KLHL1: variants seen among roughly 807,000 people sequenced by gnomAD.
KLHL1 encodes kelch-like protein 1.
A neutral mutation model predicts 77.7 loss-of-function variants in KLHL1; 47 were observed. That is an observed-to-expected ratio of 0.60 (90% CI 0.48 to 0.77). The LOEUF (loss-of-function observed/expected upper bound fraction) is 0.77. Ranked by LOEUF, KLHL1 falls within the 30% of genes least tolerant of loss-of-function variation. The pLI is 0.00. For missense variants in KLHL1, 925 were observed against 910.8 expected, an observed-to-expected ratio of 1.02 and a Z score of -0.20; for synonymous variants, 360 against 325.2, an observed-to-expected ratio of 1.11 and a Z score of -1.15.
At position 69,744,059 on chromosome 13, in the gene KLHL1, G is replaced by T. The variant is rs534836562; in HGVS notation, c.1640-3503C>A. On this transcript the variant is annotated intron_variant, in intron 7 of 10. Coordinates refer to ENST00000377844, the MANE Select transcript of KLHL1 (RefSeq NM_020866.3). ...CAATGTTAGAGGTATATGTAAAAGTGTTGGAGTTATCAGCAATTATATGGC... is the reference window on the plus strand; with the variant it reads ...CAATGTTAGAGGTATATGTAAAAGTTTTGGAGTTATCAGCAATTATATGGC... 1.2e-4 allele frequency among the ~76,000 whole-genome samples: 18 copies of T among 152,204 alleles called. No individual in the cohort carries two copies. The South Asian group carries it at 3.7e-3, about 32-fold the overall frequency.
chr13:70,061,053 T>C (rs558097478), intron 1 of KLHL1, among the ~76,000 whole-genome samples: 34 of 152,008 alleles, frequency 2.2e-4, no homozygotes, highest in African/African-American at 8.2e-4. Context: ...AGATAGAGAA[T>C]AGAATGCCGG....
At chr13:70,082,356 CACACACACACACA>C (rs1224568209) in intron 1 of KLHL1, among the ~76,000 whole-genome samples, 14 of 146,642 alleles carry the variant, frequency 9.5e-5, no homozygotes, top group African/African-American at 3.6e-4. Flanking sequence ...CACACACACA[CACACACACACACA>C]AAGGAACCAT....
chr13:69,882,595 A>G (rs1881043889), intron 4 of KLHL1, 100 bp from the exon 5 acceptor site: 2 of 741,394 alleles, frequency 2.7e-6, no homozygotes, highest in East Asian at 5.4e-5. Context: ...CTTTGTTCTT[A>G]TTATAACATA....
intron 3 of KLHL1, among the ~76,000 whole-genome samples, chr13:69,959,953 T>G (rs1254635720): frequency 1.3e-5 from 2 of 151,964 alleles, no homozygotes; most frequent in Non-Finnish European, 2.9e-5. Context: ...TCTCTCCTAA[T>G]ACAATATCCT....
At chr13:69,805,214 A>G (rs1459731744) in intron 6 of KLHL1, among the ~76,000 whole-genome samples, 1 of 151,968 alleles carries the variant, frequency 6.6e-6, no homozygotes, top group Admixed American at 6.6e-5. Context: ...TTCCATATCA[A>G]TCCCTGATAA....
chr13:70,001,041 AAAAGT>A (rs1372929081), intron 1 of KLHL1, among the ~76,000 whole-genome samples: 1 of 151,346 alleles, frequency 6.6e-6, no homozygotes, highest in Admixed American at 6.6e-5. Flanking sequence ...ATTAGAGACA[AAAAGT>A]AAAGAAATGG....
intron 1 of KLHL1, among the ~76,000 whole-genome samples, chr13:70,084,776 T>A (rs1887492642): frequency 6.6e-6 from 1 of 151,426 alleles, no homozygotes; most frequent in African/African-American, 2.4e-5. Flanking sequence ...CGCCGGGCCG[T>A]CTATTTCATA....
intron 1 of KLHL1, among the ~76,000 whole-genome samples, chr13:70,053,387 T>C (rs1424912740): frequency 6.6e-6 from 1 of 152,042 alleles, no homozygotes; most frequent in African/African-American, 2.4e-5. Flanking sequence ...ATATAGGCAA[T>C]GCAAGAGACG....
chr13:69,740,300 A>C (rs111307980), intron 8 of KLHL1, 94 bp downstream of exon 8: 15,826 of 877,420 alleles, frequency 0.018, 194 homozygotes, highest in Middle Eastern at 0.032. Flanking sequence ...GTTTTAAAAC[A>C]ATTTTTACCA....
intron 9 of KLHL1, among the ~76,000 whole-genome samples, chr13:69,715,111 T>G (rs939609328): frequency 1.1e-4 from 16 of 152,284 alleles, no homozygotes; most frequent in Middle Eastern, 3.4e-3. Flanking sequence ...ATAACTAAAT[T>G]GGTATAGCTA....
At chr13:69,962,186 C>A (rs1039773470) in intron 2 of KLHL1, among the ~76,000 whole-genome samples, 2 of 151,736 alleles carry the variant, frequency 1.3e-5, no homozygotes, top group East Asian at 1.9e-4. Flanking sequence ...TATATAGATT[C>A]TTGGTTGATT....
chr13:69,822,068 G>A (rs972311715), intron 6 of KLHL1, among the ~76,000 whole-genome samples: 12 of 151,738 alleles, frequency 7.9e-5, no homozygotes, highest in African/African-American at 1.2e-4. Context: ...GTGTAGTGGC[G>A]GGTGCTTGTA....
At chr13:69,817,724 T>G (rs189483404) in intron 6 of KLHL1, among the ~76,000 whole-genome samples, 1 of 152,282 alleles carries the variant, frequency 6.6e-6, no homozygotes, top group Admixed American at 6.5e-5. Flanking sequence ...TAAAGGAGAT[T>G]TAGTGTGGAG....
intron 7 of KLHL1, among the ~76,000 whole-genome samples, chr13:69,741,971 A>G (rs1874006835): frequency 1.3e-5 from 2 of 152,172 alleles, no homozygotes; most frequent in Non-Finnish European, 2.9e-5. Flanking sequence ...AAGGCCAATT[A>G]GCAAACACAG....
chr13:69,723,349 T>C (rs1192047968), intron 8 of KLHL1, among the ~76,000 whole-genome samples: 2 of 152,190 alleles, frequency 1.3e-5, no homozygotes, highest in Non-Finnish European at 2.9e-5. Flanking sequence ...AAAGTAATGA[T>C]ACATGTTTAA....
intron 5 of KLHL1, among the ~76,000 whole-genome samples, chr13:69,873,328 AC>A (rs1880652248): frequency 6.6e-6 from 1 of 152,200 alleles, no homozygotes; most frequent in Non-Finnish European, 1.5e-5. Context: ...ATACACTTGC[AC>A]ACAAAATACC....
intron 9 of KLHL1, among the ~76,000 whole-genome samples, chr13:69,711,219 T>C (rs995683381): frequency 1.3e-5 from 2 of 152,102 alleles, no homozygotes; most frequent in Non-Finnish European, 2.9e-5. Flanking sequence ...TTCCCAAGTT[T>C]GTACAGGAGA....
chr13:69,713,833 C>T (rs766944296), intron 9 of KLHL1, among the ~76,000 whole-genome samples: 2 of 151,854 alleles, frequency 1.3e-5, no homozygotes, highest in Non-Finnish European at 2.9e-5. Flanking sequence ...CCAAATTTTA[C>T]AATATTCTGG....
intron 1 of KLHL1, among the ~76,000 whole-genome samples, chr13:70,067,028 C>G (rs1303556534): frequency 1.3e-5 from 2 of 152,170 alleles, no homozygotes; most frequent in Admixed American, 1.3e-4. Flanking sequence ...ACTCACTAGG[C>G]TCTTGGGAAA....
Sources: gnomAD v4.1 joint callset for allele counts (sites outside exome capture counted in the v4.1 genomes callset) on GRCh38, gnomAD v4.1.1 for gene constraint, MANE v1.5 for transcripts, NCBI Gene and HGNC (gene_info 2026-07-23, HGNC 2026-07-21) for gene names.